BCL2L14: variants seen among roughly 807,000 people sequenced by gnomAD.
BCL2L14 encodes the protein BCL2 like 14.
A neutral mutation model predicts 35.3 loss-of-function variants in BCL2L14; 27 were observed. That is an observed-to-expected ratio of 0.76 (90% CI 0.56 to 1.05). The LOEUF (loss-of-function observed/expected upper bound fraction) is 1.05. Ranked by LOEUF, BCL2L14 falls within the 50% of genes least tolerant of loss-of-function variation. The probability of loss-of-function intolerance (pLI) is 0.00; values close to 1 mark genes in which losing one functional copy is unlikely to be tolerated. For missense variants in BCL2L14, 377 were observed against 382.6 expected, an observed-to-expected ratio of 0.99 and a Z score of 0.12; for synonymous variants, 139 against 145.9, an observed-to-expected ratio of 0.95 and a Z score of 0.34.
At chr12:12,063,562 C>G (rs1234269217) in intron 2 of BCL2L14, among the ~76,000 whole-genome samples, 1 of 152,100 alleles carries the variant, frequency 6.6e-6, no homozygotes, top group Non-Finnish European at 1.5e-5. Flanking sequence ...CAATCCCACT[C>G]GAAGCAGCCC....
chr12:12,090,794 T>C lies in BCL2L14; in HGVS notation c.623T>C (p.Ile208Thr). ...TCCCCGACAGATGAAGAAGAACAAA[T>C]ACTAGCCAAAATTGTTGAGCTGCTG... ...SSSKKDEEEQILAKIVELLKY... is the reference protein window; with the variant it reads ...SSSKKDEEEQTLAKIVELLKY... Residue 208 changes from isoleucine (I) to threonine (T), a missense_variant, in exon 4 of 6, where the codon ATA (isoleucine) becomes ACA (threonine). By Grantham distance (89) the Ile-to-Thr change is moderately conservative. Coordinates refer to ENST00000308721, the MANE Select transcript of BCL2L14 (RefSeq NM_138723.2). 1.9e-6 allele frequency: 3 copies of C among 1,613,166 alleles called. No homozygotes were observed. The highest frequency in any genetic ancestry group is 2.5e-6 in the Non-Finnish European group (3 of 1,179,566).
At chr12:12,057,514 T>TGCCGAGGCGGG (rs1948450505) in intron 2 of BCL2L14, among the ~76,000 whole-genome samples, 1 of 152,008 alleles carries the variant, frequency 6.6e-6, no homozygotes, top group Non-Finnish European at 1.5e-5. Context: ...TCCCAGCACT[T>TGCCGAGGCGGG]TGGGAGGCCG....
At chr12:12,077,588 G>GA (rs79086954) in intron 1 of BCL2L14, 14,322 of 149,744 alleles carry the variant, frequency 0.096, 777 homozygotes, top group East Asian at 0.24. Flanking sequence ...AGCTGAACTA[G>GA]AAAAAAAACA....
Position 12,079,481 on chromosome 12 carries a change from G to A in BCL2L14, c.176G>A (p.Gly59Glu). 1 of 1,614,220 alleles carries A rather than the reference G, an allele frequency of 6.2e-7. No individual in the cohort carries two copies. The highest frequency in any genetic ancestry group is 8.5e-7 in the Non-Finnish European group (1 of 1,180,054). ...AGAAGTTTGTCCCAGAGGGGCCTGG[G>A]GAATTGTTCAGCAAATGAGTCATGG... Reference protein sequence around the residue: ...RTRSLSQRGLGNCSANESWTE... With the variant: ...RTRSLSQRGLENCSANESWTE... The change falls in exon 2 of 6, where the codon GGG (glycine) becomes GAG (glutamate). Residue 59 changes from glycine to glutamate, a missense_variant. Transcript: ENST00000308721.
intron 2 of BCL2L14, among the ~76,000 whole-genome samples, chr12:12,063,870 C>G (rs917964201): frequency 5.9e-5 from 9 of 151,874 alleles, no homozygotes; most frequent in African/African-American, 2.2e-4. Flanking sequence ...CTCAAAAGCT[C>G]CCCCACTGAG....
At chr12:12,092,218 A>G (rs1407490506) in intron 4 of BCL2L14, among the ~76,000 whole-genome samples, 2 of 152,162 alleles carry the variant, frequency 1.3e-5, no homozygotes, top group Non-Finnish European at 2.9e-5. Context: ...AGGTGGGACG[A>G]AGGCCACCGA....
chr12:12,055,504 C>CTGTTT (rs1948418191), intron 2 of BCL2L14: 1 of 152,160 alleles, frequency 6.6e-6, no homozygotes, highest in Non-Finnish European at 1.5e-5. Flanking sequence ...TTGAGACCCG[C>CTGTTT]CAACTTGCTG....
intron 2 of BCL2L14, among the ~76,000 whole-genome samples, chr12:12,053,660 C>T (rs1211628496): frequency 6.6e-6 from 1 of 152,128 alleles, no homozygotes; most frequent in Admixed American, 6.6e-5. Flanking sequence ...CCTCAGGTAC[C>T]CGCCTTGGCC....
chr12:12,062,445 T>C (rs1022586939), intron 2 of BCL2L14, among the ~76,000 whole-genome samples: 59 of 150,652 alleles, frequency 3.9e-4, no homozygotes, highest in African/African-American at 1.4e-3. Flanking sequence ...CTAGCCCGCC[T>C]CTTAGAACCT....
upstream of BCL2L14, among the ~76,000 whole-genome samples, chr12:12,069,507 G>A (rs1354207226): frequency 1.3e-5 from 2 of 151,608 alleles, no homozygotes; most frequent in Non-Finnish European, 2.9e-5. Flanking sequence ...AGGCCATCCT[G>A]GCTAACACGG....
intron 4 of BCL2L14, among the ~76,000 whole-genome samples, chr12:12,092,224 A>G (rs1314564987): frequency 1.3e-5 from 2 of 152,188 alleles, no homozygotes; most frequent in Non-Finnish European, 2.9e-5. Flanking sequence ...GACGAAGGCC[A>G]CCGATCTCAG....
chr12:12,067,365 A>G (rs1286941906), upstream of BCL2L14, among the ~76,000 whole-genome samples: 1 of 152,206 alleles, frequency 6.6e-6, no homozygotes, highest in East Asian at 1.9e-4. Flanking sequence ...AGTCTGGCCA[A>G]CATAGTGAAA....
At chr12:12,079,196 A>G in intron 1 of BCL2L14, 103 bp from the exon 2 acceptor site, 4 of 960,760 alleles carry the variant, frequency 4.2e-6, no homozygotes, top group Non-Finnish European at 1.6e-6. Flanking sequence ...AACACAATAG[A>G]TGTTCAATAA....
At chr12:12,090,924 A>ATTCTC in intron 4 of BCL2L14, 75 bp downstream of exon 4, 1 of 1,215,836 alleles carries the variant, frequency 8.2e-7, no homozygotes. Context: ...ATTGTATTCC[A>ATTCTC]GGTTGCAACC....
rs371837389 is a variant in BCL2L14 at position 12,079,783 on chromosome 12, C to G, written c.433+45C>G. ...TTCTCTCCCGCTTCCTGGTTTTTCC[C>G]TTCTTTGTGTCCAGAGTGGTACATC... On this transcript the variant is annotated intron_variant, in intron 2 of 5. Transcript: ENST00000308721. 1.3e-5 allele frequency: 21 copies of G among 1,575,352 alleles called. No individual in the cohort carries two copies. In the African/African-American group the frequency reaches 2.9e-4, roughly 21 times the overall value.
intron 2 of BCL2L14, among the ~76,000 whole-genome samples, chr12:12,065,728 G>C (rs975874900): frequency 6.6e-6 from 1 of 151,906 alleles, no homozygotes; most frequent in Non-Finnish European, 1.5e-5. Flanking sequence ...TGTCTCCAGC[G>C]ACTGAGAATC....
chr12:12,050,432 CA>C (rs774928633), intron 1 of BCL2L14, among the ~76,000 whole-genome samples: 47 of 70,114 alleles, frequency 6.7e-4, no homozygotes, highest in East Asian at 2.0e-3. Context: ...GACACCATCT[CA>C]AAAAAAAAAA....
chr12:12,062,361 A>G lies in BCL2L14; in HGVS notation c.-272+10514A>G, dbSNP rs528004871. Among the ~76,000 whole-genome samples, 7 of 146,052 alleles carry G rather than the reference A, an allele frequency of 4.8e-5. No individual in the cohort carries two copies. The East Asian group carries it at 1.4e-3, about 29-fold the overall frequency. On this transcript the variant is annotated intron_variant, in intron 2 of 3. Coordinates refer to the BCL2L14 transcript ENST00000461264. ...CTGTTCCTCACCCTGATCACGCTTG[A>G]TTTATTGATGGCGGTTCCACCAGGC...
upstream of BCL2L14, among the ~76,000 whole-genome samples, chr12:12,067,114 G>A (rs551164500): frequency 2.2e-3 from 330 of 152,102 alleles, no homozygotes; most frequent in African/African-American, 7.2e-3. Context: ...ACCCAGGCTG[G>A]AGTGCAGTGG....
Sources: gnomAD v4.1 joint callset for allele counts (sites outside exome capture counted in the v4.1 genomes callset) on GRCh38, gnomAD v4.1.1 for gene constraint, MANE v1.5 for transcripts, NCBI Gene and HGNC (gene_info 2026-07-23, HGNC 2026-07-21) for gene names.